PPP2R2B: variants seen among roughly 807,000 people sequenced by gnomAD.
The protein encoded by PPP2R2B is protein phosphatase 2 regulatory subunit Bbeta.
PPP2R2B carries 5 observed loss-of-function variants against 46.0 expected under a neutral mutation model. The observed-to-expected ratio is 0.11, with a 90% CI of 0.06 to 0.23. The LOEUF (loss-of-function observed/expected upper bound fraction) is 0.23. Among genes scored for constraint, PPP2R2B ranks in the 10% least tolerant of loss-of-function variants. The pLI is 1.00. For synonymous variants in PPP2R2B, 215 were observed against 206.7 expected (o/e 1.04, Z -0.34); for missense variants, 367 against 575.0 (o/e 0.64, Z 3.70).
rs1020424426 is a variant in PPP2R2B, at chr5:146,985,454, G to C, written c.79+70211C>G. 2.6e-5 allele frequency among the ~76,000 whole-genome samples: 4 copies of C among 151,870 alleles called. No homozygotes were observed. In the East Asian group the frequency reaches 7.7e-4, roughly 29 times the overall value. Reference sequence around the variant, plus strand: ...TTTGCTTTTGTTATCTGTGTTTTTGGGGTCAAATTCAAAAAATTATTGCCT... The same window carrying C: ...TTTGCTTTTGTTATCTGTGTTTTTGCGGTCAAATTCAAAAAATTATTGCCT... On this transcript the variant is annotated intron_variant, in intron 1 of 8. Coordinates refer to the PPP2R2B transcript ENST00000336640.
At chr5:146,933,001 T>C (rs1027155446) in intron 1 of PPP2R2B, among the ~76,000 whole-genome samples, 3 of 152,210 alleles carry the variant, frequency 2.0e-5, no homozygotes, top group Admixed American at 2.0e-4. Flanking sequence ...TCTTTACCTG[T>C]ACCAGCACTA....
At chr5:146,897,389 A>G (rs1338443034) in intron 1 of PPP2R2B, among the ~76,000 whole-genome samples, 1 of 152,184 alleles carries the variant, frequency 6.6e-6, no homozygotes, top group African/African-American at 2.4e-5. Flanking sequence ...GAAAACTAAA[A>G]TGGTCTGGGG....
chr5:146,814,477 T>C (rs1209203800), intron 2 of PPP2R2B, among the ~76,000 whole-genome samples: 2 of 152,338 alleles, frequency 1.3e-5, no homozygotes, highest in Admixed American at 6.5e-5. Context: ...TAATTGGTCA[T>C]GGCCAGTGCC....
chr5:146,644,553 G>C (rs967186170), intron 6 of PPP2R2B, among the ~76,000 whole-genome samples: 27 of 152,270 alleles, frequency 1.8e-4, no homozygotes, highest in Non-Finnish European at 3.4e-4. Flanking sequence ...GCGAGACCAG[G>C]AACCTCATCT....
At chr5:146,951,854 A>G (rs1287716450) in intron 1 of PPP2R2B, among the ~76,000 whole-genome samples, 1 of 152,036 alleles carries the variant, frequency 6.6e-6, no homozygotes, top group African/African-American at 2.4e-5. Context: ...ACAATGATTT[A>G]TATACCTTTG....
chr5:146,663,255 T>C (rs1776776913), intron 5 of PPP2R2B, among the ~76,000 whole-genome samples: 1 of 152,116 alleles, frequency 6.6e-6, no homozygotes, highest in Non-Finnish European at 1.5e-5. Flanking sequence ...GAGTCCTAAC[T>C]CTAAACCACT....
intron 1 of PPP2R2B, among the ~76,000 whole-genome samples, chr5:146,982,650 A>G (rs1753229738): frequency 6.6e-6 from 1 of 152,178 alleles, no homozygotes. Context: ...TCCAACTATA[A>G]TTATAGATTT....
upstream of PPP2R2B, among the ~76,000 whole-genome samples, chr5:147,059,328 G>A (rs555746801): frequency 2.6e-4 from 40 of 152,224 alleles, no homozygotes; most frequent in African/African-American, 9.6e-4. Flanking sequence ...TATAAAAAAT[G>A]AAAAGAAACA....
intron 9 of PPP2R2B, chr5:146,592,197 C>T: frequency 2.4e-6 from 1 of 421,900 alleles, no homozygotes; most frequent in Non-Finnish European, 4.7e-6. Context: ...TCCAAGCCTG[C>T]TAAGGAGGGG....
chr5:147,048,833 C>A (rs1311241129), intron 1 of PPP2R2B, among the ~76,000 whole-genome samples: 1 of 152,024 alleles, frequency 6.6e-6, no homozygotes, highest in East Asian at 1.9e-4. Flanking sequence ...GCTTTCAATC[C>A]ACAAATATTT....
intron 2 of PPP2R2B, among the ~76,000 whole-genome samples, chr5:146,726,983 G>A (rs911209198): frequency 6.6e-6 from 1 of 152,134 alleles, no homozygotes; most frequent in Non-Finnish European, 1.5e-5. Context: ...CATAAGAAGG[G>A]ACAACTGGAG....
At chr5:146,940,250 C>G (rs748398346) in intron 1 of PPP2R2B, among the ~76,000 whole-genome samples, 1 of 152,160 alleles carries the variant, frequency 6.6e-6, no homozygotes, top group Admixed American at 6.5e-5. Flanking sequence ...AGAGCCCTGC[C>G]CTCCTGGCTG....
At chr5:146,927,395 A>C (rs1167312057) in intron 1 of PPP2R2B, among the ~76,000 whole-genome samples, 2 of 152,120 alleles carry the variant, frequency 1.3e-5, no homozygotes, top group African/African-American at 4.8e-5. Flanking sequence ...GAGCAATAAA[A>C]TCTTTCTTGC....
At chr5:146,647,923 G>A (rs1283761896) in intron 6 of PPP2R2B, among the ~76,000 whole-genome samples, 10 of 152,218 alleles carry the variant, frequency 6.6e-5, no homozygotes, top group African/African-American at 2.4e-4. Flanking sequence ...AATATGCCAG[G>A]CATGGTCCTG....
At position 146,987,411 on chromosome 5, in the gene PPP2R2B, A is replaced by C. The variant is rs1365452583; in HGVS notation, c.79+68254T>G. Among the ~76,000 whole-genome samples the C allele has an allele frequency of 2.0e-5, 3 of 152,244 alleles. No individual in the cohort carries two copies. In the East Asian group the frequency reaches 5.8e-4, roughly 29 times the overall value. On this transcript the variant is annotated intron_variant, in intron 1 of 8. Transcript: ENST00000336640. ...AAAAGATAAAACTACTAAAAATAAT[A>C]ATTACAATGATTTGTTAAAAGATAA... is the stretch of plus-strand genomic sequence containing the variant.
At chr5:146,622,504 C>A (rs563850296) in intron 7 of PPP2R2B, among the ~76,000 whole-genome samples, 1 of 152,164 alleles carries the variant, frequency 6.6e-6, no homozygotes. Context: ...TTCATTAAAG[C>A]CAAGTTTCCA....
chr5:146,747,142 A>AG (rs1207579202), intron 2 of PPP2R2B, among the ~76,000 whole-genome samples: 3 of 152,182 alleles, frequency 2.0e-5, no homozygotes, highest in Non-Finnish European at 4.4e-5. Flanking sequence ...TTAGAATACC[A>AG]GGAAAAAAAA....
intron 5 of PPP2R2B, among the ~76,000 whole-genome samples, chr5:146,660,468 G>T (rs897683822): frequency 6.6e-6 from 1 of 152,028 alleles, no homozygotes; most frequent in Non-Finnish European, 1.5e-5. Flanking sequence ...CCTCACTTTG[G>T]TCAAAAAACC....
intron 1 of PPP2R2B, among the ~76,000 whole-genome samples, chr5:146,975,544 A>G (rs941176349): frequency 6.6e-6 from 1 of 152,216 alleles, no homozygotes; most frequent in Non-Finnish European, 1.5e-5. Context: ...GCTGGATCAT[A>G]TGGTAACTCA....
Sources: gnomAD v4.1 joint callset for allele counts (sites outside exome capture counted in the v4.1 genomes callset) on GRCh38, gnomAD v4.1.1 for gene constraint, MANE v1.5 for transcripts, NCBI Gene and HGNC (gene_info 2026-07-23, HGNC 2026-07-21) for gene names.